PLEKHH2: variants seen among roughly 807,000 people sequenced by gnomAD.
PLEKHH2 encodes the protein pleckstrin homology domain-containing family H member 2.
A neutral mutation model predicts 187.9 loss-of-function variants in PLEKHH2; 129 were observed. The ratio of observed to expected loss-of-function variants is 0.69; its 90% CI spans 0.59 to 0.79. The LOEUF (loss-of-function observed/expected upper bound fraction) is 0.79, where lower values mean the gene tolerates loss of function less well. PLEKHH2 is among the 30% of genes least tolerant of loss of function. The probability of loss-of-function intolerance (pLI) is 0.00; values close to 1 mark genes in which losing one functional copy is unlikely to be tolerated. For synonymous variants in PLEKHH2, 686 were observed against 605.6 expected, an observed-to-expected ratio of 1.13 and a Z score of -1.95; for missense variants, 2,076 against 1,751.2, an observed-to-expected ratio of 1.19 and a Z score of -3.31.
rs964943541 is a variant in PLEKHH2 at position 43,762,329 on chromosome 2, G to A, written c.4097G>A (p.Ser1366Asn). 1.1e-5 allele frequency: 17 copies of A among 1,612,882 alleles called. No individual in the cohort carries two copies. Among genetic ancestry groups the A allele is most frequent in the East Asian group, 4.5e-5 (2 of 44,812 alleles). ...CCCATAACTCCATCATCACTTGGAA[G>A]TACTTTCTTGTGGCTGGCTGTACAT... Reference protein sequence around the residue: ...AKPITPSSLGSTFLWLAVHED... With the variant: ...AKPITPSSLGNTFLWLAVHED... The change falls in exon 28 of 30, where the codon AGT becomes AAT. Residue 1366 changes from serine (S) to asparagine (N), a missense_variant. Coordinates refer to ENST00000282406, the MANE Select transcript of PLEKHH2 (RefSeq NM_172069.4).
intron 20 of PLEKHH2, among the ~76,000 whole-genome samples, chr2:43,738,755 A>T (rs182045151): frequency 2.0e-5 from 3 of 152,334 alleles, no homozygotes; most frequent in Non-Finnish European, 4.4e-5. Flanking sequence ...TACAGTGTGC[A>T]TACTACTTTT....
intron 2 of PLEKHH2, chr2:43,675,099 T>C: frequency 6.9e-6 from 2 of 289,816 alleles, no homozygotes; most frequent in Non-Finnish European, 1.3e-5. Context: ...GCTACATGTG[T>C]AACTTAAAAT....
At chr2:43,703,114 A>T (rs4952999) in intron 8 of PLEKHH2, among the ~76,000 whole-genome samples, 90,142 of 152,118 alleles carry the variant, frequency 0.59, 28,126 homozygotes, top group African/African-American at 0.78. Flanking sequence ...TAGTCGGAGA[A>T]CTCATGCCAG....
chr2:43,758,846 C>G, intron 26 of PLEKHH2, 54 bp from the exon 27 acceptor site: 2 of 1,442,090 alleles, frequency 1.4e-6, no homozygotes, highest in Non-Finnish European at 9.4e-7. Context: ...CTATGACACA[C>G]TGTTTATGTT....
At chr2:43,744,772 G>T (rs1239819461) in intron 23 of PLEKHH2, among the ~76,000 whole-genome samples, 1 of 150,640 alleles carries the variant, frequency 6.6e-6, no homozygotes, top group Non-Finnish European at 1.5e-5. Flanking sequence ...GGAAGCTGAG[G>T]CACTAGAATC....
At chr2:43,757,715 G>A (rs1285177249) in intron 26 of PLEKHH2, among the ~76,000 whole-genome samples, 1 of 151,954 alleles carries the variant, frequency 6.6e-6, no homozygotes, top group African/African-American at 2.4e-5. Context: ...ACTGTGCCCA[G>A]CCAATATTTT....
intron 2 of PLEKHH2, among the ~76,000 whole-genome samples, chr2:43,649,247 C>T (rs1321591712): frequency 6.6e-6 from 1 of 152,060 alleles, no homozygotes; most frequent in Non-Finnish European, 1.5e-5. Context: ...AGTAGTTTTC[C>T]TACTTTACAA....
intron 19 of PLEKHH2, among the ~76,000 whole-genome samples, chr2:43,734,128 G>C (rs1223359876): frequency 1.3e-5 from 2 of 152,072 alleles, no homozygotes; most frequent in Non-Finnish European, 2.9e-5. Context: ...CAACATATAT[G>C]AGTAGAGAGA....
intron 24 of PLEKHH2, among the ~76,000 whole-genome samples, chr2:43,752,660 A>G (rs946009685): frequency 1.3e-5 from 2 of 152,186 alleles, no homozygotes; most frequent in South Asian, 2.1e-4. Context: ...TCATGGCAGT[A>G]TTCAGGTGTG....
At chr2:43,663,237 T>C in intron 2 of PLEKHH2, among the ~76,000 whole-genome samples, 1 of 19,508 alleles carries the variant, frequency 5.1e-5, no homozygotes, top group Admixed American at 6.5e-4. Context: ...CCATTTCTTC[T>C]AGATTTTCTA....
intron 19 of PLEKHH2, among the ~76,000 whole-genome samples, chr2:43,737,712 C>G (rs1214459230): frequency 1.3e-5 from 2 of 152,114 alleles, no homozygotes; most frequent in Admixed American, 1.3e-4. Flanking sequence ...AATGATCTAA[C>G]GGGGAAAGAG....
chr2:43,753,689 G>A lies in PLEKHH2; in HGVS notation c.3724G>A (p.Asp1242Asn). The change falls in exon 25 of 30, where the codon GAT becomes AAT. Residue 1242 changes from aspartate to asparagine, a missense_variant. Coordinates refer to ENST00000282406, the MANE Select transcript of PLEKHH2 (RefSeq NM_172069.4). Reference sequence around the variant, plus strand: ...GTTGCTGTTAATGTATCAGACAAATGATCAAATCATAAATGGACTTTTTCC... The same window carrying A: ...GTTGCTGTTAATGTATCAGACAAATAATCAAATCATAAATGGACTTTTTCC... ...EKLLLMYQTN[D>N]QIINGLFPLN... 6.3e-7 allele frequency: 1 copy of A among 1,585,080 alleles called. No individual in the cohort carries two copies. The highest frequency in any genetic ancestry group is 1.8e-5 in the Admixed American group (1 of 54,954).
At chr2:43,637,787 C>G (rs1046281702) in intron 1 of PLEKHH2, among the ~76,000 whole-genome samples, 1 of 152,216 alleles carries the variant, frequency 6.6e-6, no homozygotes, top group Non-Finnish European at 1.5e-5. Flanking sequence ...TCGCCTTAGG[C>G]TTCGGGAGAT....
chr2:43,722,715 C>A (rs1670541278), intron 16 of PLEKHH2, among the ~76,000 whole-genome samples: 2 of 152,184 alleles, frequency 1.3e-5, no homozygotes, highest in Admixed American at 6.5e-5. Context: ...TATCTGTGAT[C>A]ACAGTAATAT....
At chr2:43,717,974 G>A (rs1447361056) in intron 15 of PLEKHH2, among the ~76,000 whole-genome samples, 1 of 152,200 alleles carries the variant, frequency 6.6e-6, no homozygotes, top group African/African-American at 2.4e-5. Context: ...GATTTGTGGT[G>A]GAGAATGCTA....
chr2:43,720,965 A>G (rs1670450651), intron 16 of PLEKHH2, among the ~76,000 whole-genome samples: 1 of 152,184 alleles, frequency 6.6e-6, no homozygotes, highest in Non-Finnish European at 1.5e-5. Context: ...GCAACTTTTA[A>G]TTAATGCATC....
chr2:43,709,967 G>C, intron 11 of PLEKHH2, 23 bp from the exon 12 acceptor site: 1 of 1,591,430 alleles, frequency 6.3e-7, no homozygotes, highest in Non-Finnish European at 8.5e-7. Context: ...ATACTGACTT[G>C]ATTTCTTTCT....
At chr2:43,754,869 C>CTTTTTTTT in intron 25 of PLEKHH2, among the ~76,000 whole-genome samples, 1 of 108,782 alleles carries the variant, frequency 9.2e-6, no homozygotes, top group Non-Finnish European at 1.8e-5. Context: ...TTAAAATCAA[C>CTTTTTTTT]TTTTTTTTTT....
intron 17 of PLEKHH2, 39 bp from the exon 18 acceptor site, chr2:43,729,598 C>G (rs746541151): frequency 1.5e-6 from 2 of 1,301,046 alleles, no homozygotes; most frequent in Non-Finnish European, 2.1e-6. Flanking sequence ...TTAATCAAAA[C>G]TGTGTCTTAA....
Sources: gnomAD v4.1 joint callset for allele counts (sites outside exome capture counted in the v4.1 genomes callset) on GRCh38, gnomAD v4.1.1 for gene constraint, MANE v1.5 for transcripts, NCBI Gene and HGNC (gene_info 2026-07-23, HGNC 2026-07-21) for gene names.